The following TIAM2 variants were observed in gnomAD, a reference collection of about 807,000 sequenced individuals.
TIAM2 encodes TIAM Rac1 associated GEF 2, also known as rho guanine nucleotide exchange factor TIAM2.
TIAM2 carries 80 observed loss-of-function variants against 152.9 expected under a neutral mutation model. That is an observed-to-expected ratio of 0.52 (90% CI 0.44 to 0.63). The LOEUF is 0.63. Ranked by LOEUF, TIAM2 falls within the 30% of genes least tolerant of loss-of-function variation. The probability of loss-of-function intolerance (pLI) is 0.00; values close to 1 mark genes in which losing one functional copy is unlikely to be tolerated. For missense variants in TIAM2, 1,965 were observed against 2,120.1 expected (o/e 0.93, Z 1.44); for synonymous variants, 804 against 838.0 (o/e 0.96, Z 0.70).
rs771093747 is a variant in TIAM2 at position 155,129,212 on chromosome 6, A to G, written c.-6-6A>G. On this transcript the variant is annotated splice_polypyrimidine_tract_variant and splice_region_variant and intron_variant, in intron 3 of 26. Coordinates refer to ENST00000682666, the MANE Select transcript of TIAM2 (RefSeq NM_012454.4). The surrounding 1 kb of genome is among the most constrained non-coding windows in gnomAD (Gnocchi z 4.8). ...GGTCTTACTGATGCAACTGTTCTTA[A>G]TTTAGGTTAAAATGGGCAACTCCGA... 2 of 1,608,650 alleles carry G rather than the reference A, an allele frequency of 1.2e-6. No homozygotes were observed. The highest frequency in any genetic ancestry group is 2.2e-5 in the South Asian group (2 of 90,932).
chr6:155,020,709 A>T (rs1431144631), intron 1 of TIAM2, among the ~76,000 whole-genome samples: 1 of 152,064 alleles, frequency 6.6e-6, no homozygotes, highest in Non-Finnish European at 1.5e-5. Context: ...GTGATCTGCC[A>T]GCCTCGGCCT....
intron 14 of TIAM2, among the ~76,000 whole-genome samples, chr6:155,204,523 T>C (rs9371871): frequency 0.23 from 35,579 of 152,076 alleles, 4,460 homozygotes; most frequent in East Asian, 0.49. Flanking sequence ...TCTTTTTGTC[T>C]TATTTTTAGG....
At chr6:155,076,613 G>A (rs9371858) in intron 1 of TIAM2, among the ~76,000 whole-genome samples, 35,387 of 152,048 alleles carry the variant, frequency 0.23, 4,715 homozygotes, top group East Asian at 0.43. Context: ...TAGGAGAACA[G>A]CAAAATCCTG....
Position 155,137,498 on chromosome 6 carries a change from G to T in TIAM2, c.1516G>T (p.Val506Leu), listed in dbSNP as rs757732339. The T allele has an allele frequency of 6.2e-7, 1 of 1,614,180 alleles. No individual in the cohort carries two copies. Among genetic ancestry groups the T allele is most frequent in the South Asian group, 1.1e-5 (1 of 91,086 alleles). ...TCTGCTCTTTGAGAAGGAACAGGGG[G>T]TGGTCCGGAAGGCCGGGTGGCTCTT... ...LDLLFEKEQGVVRKAGWLFFK... is the reference protein window; with the variant it reads ...LDLLFEKEQGLVRKAGWLFFK... Residue 506 changes from valine (V) to leucine (L), a missense_variant, in exon 5 of 27, where the codon GTG (valine) becomes TTG (leucine). Coordinates refer to ENST00000682666, the MANE Select transcript of TIAM2 (RefSeq NM_012454.4).
intron 15 of TIAM2, chr6:155,217,155 A>C: frequency 7.8e-7 from 1 of 1,279,886 alleles, no homozygotes; most frequent in Non-Finnish European, 1.0e-6. Context: ...GCATGCTTGC[A>C]CGGTTTCCTT....
rs1275205076 is a variant in TIAM2, at chr6:155,130,199, C to T, written c.976C>T (p.His326Tyr). Residue 326 changes from histidine to tyrosine, a missense_variant, in exon 4 of 27, where the codon CAT becomes TAT. His to Tyr is a moderately conservative substitution (Grantham distance 83). Transcript: ENST00000682666. ...IRLSDEYMGT[H>Y]ASLSNRVSFA... ...CCTTTCTGATGAATACATGGGCACG[C>T]ATGCCAGCCTGAGCAACCGTGTCTC... The T allele has an allele frequency of 6.2e-7, 1 of 1,614,048 alleles. No individual in the cohort carries two copies. The highest frequency in any genetic ancestry group is 8.5e-7 in the Non-Finnish European group (1 of 1,180,038).
rs1397286907 is a variant in TIAM2 at position 155,064,857 on chromosome 6, C to T, written c.-208-25432C>T. Among the ~76,000 whole-genome samples the T allele has an allele frequency of 2.7e-5, 4 of 149,430 alleles. No homozygotes were observed. The South Asian group carries it at 6.4e-4, about 24-fold the overall frequency. ...ATCGCCTGTAGTTTTCTCCCCACTC[C>T]TTTTGTCCACCCTTTTCCCTTCCTT... On this transcript the variant is annotated intron_variant, in intron 1 of 26. Coordinates refer to ENST00000682666, the MANE Select transcript of TIAM2 (RefSeq NM_012454.4).
intron 1 of TIAM2, among the ~76,000 whole-genome samples, chr6:155,045,671 G>C (rs938406368): frequency 1.3e-5 from 2 of 152,082 alleles, no homozygotes; most frequent in Non-Finnish European, 2.9e-5. Context: ...AAGTAGGGCT[G>C]TGTGAGTAGC....
chr6:155,060,490 A>C (rs1026832694), intron 1 of TIAM2, among the ~76,000 whole-genome samples: 1 of 152,232 alleles, frequency 6.6e-6, no homozygotes, highest in African/African-American at 2.4e-5. Context: ...TTTTTTATTC[A>C]GCTATTTACT....
intron 1 of TIAM2, among the ~76,000 whole-genome samples, chr6:155,006,625 C>T (rs1778406196): frequency 6.7e-6 from 1 of 149,148 alleles, no homozygotes; most frequent in Non-Finnish European, 1.5e-5. Flanking sequence ...GAGATTGTGC[C>T]ATTGCACATC....
chr6:155,087,530 C>T (rs1401722765), intron 1 of TIAM2, among the ~76,000 whole-genome samples: 1 of 152,120 alleles, frequency 6.6e-6, no homozygotes, highest in Admixed American at 6.6e-5. Context: ...AGGTGGATCA[C>T]TTGAGCTCAG....
chr6:155,252,080 C>T, intron 23 of TIAM2, 77 bp downstream of exon 23: 1 of 1,172,804 alleles, frequency 8.5e-7, no homozygotes, highest in Non-Finnish European at 1.2e-6. Flanking sequence ...CTGAAAAGCC[C>T]ACTGAGCACC....
intron 14 of TIAM2, among the ~76,000 whole-genome samples, chr6:155,194,873 G>C (rs1259761519): frequency 6.6e-6 from 1 of 152,168 alleles, no homozygotes; most frequent in African/African-American, 2.4e-5. Flanking sequence ...TTTCCCCCAT[G>C]CTGTTCTCAT....
intron 20 of TIAM2, among the ~76,000 whole-genome samples, chr6:155,249,183 TA>T (rs1783508035): frequency 6.6e-6 from 1 of 152,234 alleles, no homozygotes; most frequent in South Asian, 2.1e-4. Context: ...ATACTGAATT[TA>T]GAAGTGACCT....
At chr6:155,040,264 G>T (rs11961508) in intron 1 of TIAM2, among the ~76,000 whole-genome samples, 4,662 of 152,172 alleles carry the variant, frequency 0.031, 241 homozygotes, top group African/African-American at 0.11. Flanking sequence ...CATCAATCAG[G>T]GTTTAGAATA....
intron 2 of TIAM2, among the ~76,000 whole-genome samples, chr6:155,105,926 C>T (rs1048297836): frequency 4.0e-5 from 6 of 151,844 alleles, no homozygotes; most frequent in Non-Finnish European, 5.9e-5. Context: ...TTCATCATCC[C>T]GCCTCCACAA....
intron 9 of TIAM2, among the ~76,000 whole-genome samples, chr6:155,168,676 C>T (rs75082121): frequency 0.1 from 15,155 of 152,182 alleles, 847 homozygotes; most frequent in Middle Eastern, 0.16. Context: ...TAAAACGTAA[C>T]TATGCGGGAA....
intron 2 of TIAM2, among the ~76,000 whole-genome samples, chr6:155,104,598 A>G (rs1438918400): frequency 1.3e-5 from 2 of 152,092 alleles, no homozygotes; most frequent in Non-Finnish European, 2.9e-5. Flanking sequence ...TCTACTAAAA[A>G]TACAAAAAAT....
chr6:155,243,509 C>T (rs1040964156), intron 16 of TIAM2, among the ~76,000 whole-genome samples: 2 of 152,162 alleles, frequency 1.3e-5, no homozygotes, highest in African/African-American at 4.8e-5. Flanking sequence ...TGATATTAAA[C>T]TCTTTGAATT....
Sources: gnomAD v4.1 joint callset for allele counts (sites outside exome capture counted in the v4.1 genomes callset) on GRCh38, gnomAD v4.1.1 for gene constraint, Gnocchi (gnomAD v3.1) non-coding constraint, MANE v1.5 for transcripts, NCBI Gene and HGNC (gene_info 2026-07-23, HGNC 2026-07-21) for gene names.